MAP2K3: variants seen among roughly 807,000 people sequenced by gnomAD.
The protein encoded by MAP2K3 is mitogen-activated protein kinase kinase 3.
In MAP2K3, 30 loss-of-function variants were observed where a neutral mutation model predicts 46.4. That is an observed-to-expected ratio of 0.65 (90% confidence interval 0.48 to 0.88). The LOEUF (loss-of-function observed/expected upper bound fraction) is 0.88. Ranked by LOEUF, MAP2K3 falls within the 40% of genes least tolerant of loss-of-function variation. The probability of loss-of-function intolerance (pLI) is 0.00; values close to 1 mark genes in which losing one functional copy is unlikely to be tolerated. For missense variants in MAP2K3, 380 were observed against 464.5 expected (o/e 0.82, Z 1.67); for synonymous variants, 189 against 176.3 (o/e 1.07, Z -0.57).
At chr17:21,288,104 G>A (rs1179067307) in intron 1 of MAP2K3, 8 of 1,288,762 alleles carry the variant, frequency 6.2e-6, no homozygotes, top group Non-Finnish European at 8.1e-6. Flanking sequence ...GAGTCAGCGG[G>A]CACTGGGTGC....
At chr17:21,303,256 A>C in intron 7 of MAP2K3, 22 bp downstream of exon 7, 1 of 1,613,082 alleles carries the variant, frequency 6.2e-7, no homozygotes. Context: ...GCAGCCACCC[A>C]GGCACGGTGT....
At chr17:21,302,363 G>A in intron 6 of MAP2K3, 104 bp downstream of exon 6, 3 of 1,335,452 alleles carry the variant, frequency 2.2e-6, no homozygotes, top group South Asian at 2.4e-5. Flanking sequence ...CTTGGGCAGA[G>A]CTGGGCATCA....
intron 9 of MAP2K3, among the ~76,000 whole-genome samples, chr17:21,311,180 C>A (rs56849957): frequency 8.5e-4 from 129 of 152,286 alleles, no homozygotes; most frequent in African/African-American, 2.0e-3. Context: ...GCTCCAGTTG[C>A]CAGTGCCAAG....
chr17:21,311,934 G>A (rs1265033410), intron 9 of MAP2K3: 1 of 492,554 alleles, frequency 2.0e-6, no homozygotes, highest in African/African-American at 2.0e-5. Context: ...CCTGAGCTGG[G>A]TCCTGCTGGC....
In MAP2K3 at chr17:21,284,745, C is replaced by T. The variant is rs1376797550; in HGVS notation, c.-176C>T. 5.0e-6 allele frequency: 3 copies of T among 602,544 alleles called. No individual in the cohort carries two copies. The highest frequency in any genetic ancestry group is 2.0e-5 in the African/African-American group (1 of 50,364). The allele number at this position is 602,544 out of a possible 1,614,324, so 37.3% of individuals were successfully genotyped here. On this transcript the variant is annotated 5_prime_UTR_variant, in exon 1 of 12. Coordinates refer to ENST00000342679, the MANE Select transcript of MAP2K3 (RefSeq NM_145109.3). ...CCGGCGCCGCCCGTCGCGGACTCGT[C>T]CTTGCTGCAGTCGCCGCCGCAGTCC...
At chr17:21,304,194 C>G (rs1232464725) in intron 7 of MAP2K3, among the ~76,000 whole-genome samples, 9 of 152,310 alleles carry the variant, frequency 5.9e-5, no homozygotes, top group Non-Finnish European at 1.5e-5. Context: ...GGGCTGGGCA[C>G]GTCCTGGCTG....
At chr17:21,300,776 C>T (rs2144572792) in intron 4 of MAP2K3, 98 bp from the exon 5 acceptor site, 1 of 1,609,576 alleles carries the variant, frequency 6.2e-7, no homozygotes, top group Non-Finnish European at 8.5e-7. Flanking sequence ...TTTTGGGGCA[C>T]ACTGGGCAGT....
intron 9 of MAP2K3, among the ~76,000 whole-genome samples, chr17:21,310,282 T>C (rs988301879): frequency 6.6e-6 from 1 of 152,044 alleles, no homozygotes; most frequent in Non-Finnish European, 1.5e-5. Flanking sequence ...GTGCTTGGAT[T>C]ATAGGTGTGA....
chr17:21,304,644 G>T, intron 8 of MAP2K3, 91 bp downstream of exon 8: 2 of 1,571,546 alleles, frequency 1.3e-6, no homozygotes, highest in African/African-American at 1.4e-5. Context: ...CCCTCTGTCC[G>T]TAGGGGCAGA....
chr17:21,296,650 A>G (rs560192581), intron 1 of MAP2K3, among the ~76,000 whole-genome samples: 243 of 152,358 alleles, frequency 1.6e-3, no homozygotes, highest in Non-Finnish European at 2.4e-3. Flanking sequence ...CCTGTTCCCC[A>G]AGTAAAGTGA....
At position 21,284,793 on chromosome 17, in the gene MAP2K3, C is replaced by CGCCGCCGCCGCCGCT. The variant is rs1280917669; in HGVS notation, c.-125_-111dup. 2 of 1,114,878 alleles carry CGCCGCCGCCGCCGCT rather than the reference C, an allele frequency of 1.8e-6. No homozygotes were observed. The highest frequency in any genetic ancestry group is 3.7e-5 in the Admixed American group (1 of 27,030). The allele number at this position is 1,114,878 out of a possible 1,614,324, so 69.1% of individuals were successfully genotyped here. A position where few individuals can be genotyped will look rare whatever the true frequency, so the allele number is the denominator to read the frequency against. The stretch of plus-strand genomic sequence containing the variant: ...TCCTCGCCGCAGTCGCCGCCGCCGC[C>CGCCGCCGCCGCCGCT]GCCGCCGCCGCCGCTGCTCCTCCGC... On this transcript the variant is annotated 5_prime_UTR_variant, in exon 1 of 12. Transcript: ENST00000342679.
At chr17:21,297,267 T>C (rs112933695) in intron 1 of MAP2K3, among the ~76,000 whole-genome samples, 2 of 152,426 alleles carry the variant, frequency 1.3e-5, no homozygotes, top group African/African-American at 4.8e-5. Context: ...CTTCAGAGAC[T>C]GGGGTCTTCT....
At chr17:21,285,036 G>T in intron 1 of MAP2K3, 67 bp downstream of exon 1, 3 of 1,555,766 alleles carry the variant, frequency 1.9e-6, no homozygotes, top group Admixed American at 1.9e-5. Context: ...TGCAAACCCC[G>T]ACCTTTCTTT....
Position 21,313,480 on chromosome 17 carries a change from A to C in MAP2K3, c.915-12A>C. 2 of 1,599,522 alleles carry C rather than the reference A, an allele frequency of 1.3e-6. No homozygotes were observed. Among genetic ancestry groups the C allele is most frequent in the South Asian group, 2.2e-5 (2 of 90,720 alleles). On this transcript the variant is annotated splice_polypyrimidine_tract_variant and intron_variant, in intron 10 of 11. Transcript: ENST00000342679. ...CTGCCAGCCTGGCCACAGCTGCACTATTCTCTCCTAGCCTGAGGAAGAACC... is the reference window on the plus strand; with the variant it reads ...CTGCCAGCCTGGCCACAGCTGCACTCTTCTCTCCTAGCCTGAGGAAGAACC...
chr17:21,287,276 A>G lies in MAP2K3; in HGVS notation c.49+2307A>G, dbSNP rs932751931. On this transcript the variant is annotated intron_variant, in intron 1 of 11. Transcript: ENST00000342679. ...GCCTCTCCTGTGCACAGCGCTTTACACTGGGCCTGTTGCATTCTCGCTGCA... is the reference window on the plus strand; with the variant it reads ...GCCTCTCCTGTGCACAGCGCTTTACGCTGGGCCTGTTGCATTCTCGCTGCA... 4.6e-5 allele frequency among the ~76,000 whole-genome samples: 7 copies of G among 152,346 alleles called. No homozygotes were observed. The East Asian group carries it at 9.6e-4, about 21-fold the overall frequency.
chr17:21,304,459 A>G lies in MAP2K3; in HGVS notation c.602A>G (p.Glu201Gly). ...VKPSNVLINKEGHVKMCDFGI... is the reference protein window; with the variant it reads ...VKPSNVLINKGGHVKMCDFGI... ...CCCTCCAATGTCCTTATCAACAAGGAGGGCCATGTGAAGATGTGTGACTTT... is the reference window on the plus strand; with the variant it reads ...CCCTCCAATGTCCTTATCAACAAGGGGGGCCATGTGAAGATGTGTGACTTT... The change falls in exon 8 of 12, where the codon GAG becomes GGG. Residue 201 changes from glutamate (E) to glycine (G), a missense_variant. This residue lies in a region of MAP2K3 where 294 missense variants were observed against 275.4 expected (regional missense o/e 1.07). Coordinates refer to ENST00000342679, the MANE Select transcript of MAP2K3 (RefSeq NM_145109.3). 1 of 1,614,320 alleles carries G rather than the reference A, an allele frequency of 6.2e-7. No individual in the cohort carries two copies. The highest frequency in any genetic ancestry group is 8.5e-7 in the Non-Finnish European group (1 of 1,180,060).
intron 1 of MAP2K3, among the ~76,000 whole-genome samples, chr17:21,285,479 C>A (rs574178626): frequency 6.6e-6 from 1 of 152,254 alleles, no homozygotes; most frequent in South Asian, 2.1e-4. Context: ...CACTGTACCC[C>A]CTATGCGGGT....
intron 4 of MAP2K3, 97 bp from the exon 5 acceptor site, chr17:21,300,777 A>G (rs1177831595): frequency 1.2e-6 from 2 of 1,610,054 alleles, no homozygotes; most frequent in South Asian, 1.1e-5. Flanking sequence ...TTTGGGGCAC[A>G]CTGGGCAGTG....
At chr17:21,309,134 C>T (rs1474968964) in intron 9 of MAP2K3, among the ~76,000 whole-genome samples, 7 of 152,426 alleles carry the variant, frequency 4.6e-5, no homozygotes, top group South Asian at 2.1e-4. Flanking sequence ...CCTCTCCATG[C>T]AACTTACTCA....
Sources: gnomAD v4.1 joint callset for allele counts (sites outside exome capture counted in the v4.1 genomes callset) on GRCh38, gnomAD v4.1.1 for gene constraint, gnomAD v4.1.1 regional missense constraint, MANE v1.5 for transcripts, NCBI Gene and HGNC (gene_info 2026-07-23, HGNC 2026-07-21) for gene names.